ADAM10: variants seen among roughly 807,000 people sequenced by gnomAD.
ADAM10 encodes disintegrin and metalloproteinase domain-containing protein 10.
A neutral mutation model predicts 90.1 loss-of-function variants in ADAM10; 17 were observed. That is an observed-to-expected ratio of 0.19 (90% CI 0.13 to 0.28). The LOEUF is 0.28. Among genes scored for constraint, ADAM10 ranks in the 10% least tolerant of loss-of-function variants. The pLI, the probability that ADAM10 is intolerant of heterozygous loss-of-function variation, is 1.00. For missense variants in ADAM10, 610 were observed against 914.3 expected (o/e 0.67, Z 4.29); for synonymous variants, 310 against 298.6 (o/e 1.04, Z -0.40).
chr15:58,704,235 A>G (rs2140795146), intron 2 of ADAM10: 1 of 152,354 alleles, frequency 6.6e-6, no homozygotes, highest in African/African-American at 2.4e-5. Flanking sequence ...CCATGATTCC[A>G]CATATATGAG....
At chr15:58,639,223 T>C (rs998032810) in intron 8 of ADAM10, among the ~76,000 whole-genome samples, 3 of 152,206 alleles carry the variant, frequency 2.0e-5, no homozygotes, top group African/African-American at 4.8e-5. Flanking sequence ...ACTAAGACTG[T>C]TGGGCTCCAC....
chr15:58,648,222 G>C, intron 5 of ADAM10, among the ~76,000 whole-genome samples: 1 of 152,078 alleles, frequency 6.6e-6, no homozygotes, highest in East Asian at 1.9e-4. Flanking sequence ...TTGTATTATA[G>C]ATGGGTACCA....
At chr15:58,704,389 T>C (rs1898221594) in intron 2 of ADAM10, among the ~76,000 whole-genome samples, 1 of 152,080 alleles carries the variant, frequency 6.6e-6, no homozygotes, top group African/African-American at 2.4e-5. Flanking sequence ...TTGCACAACG[T>C]TGTGCATGTA....
At chr15:58,664,661 G>A (rs1201771765) in intron 5 of ADAM10, among the ~76,000 whole-genome samples, 3 of 151,844 alleles carry the variant, frequency 2.0e-5, no homozygotes, top group Non-Finnish European at 4.4e-5. Flanking sequence ...GAAAAAGGAA[G>A]GGAAAAAAAT....
At chr15:58,710,230 A>T (rs559814449) in intron 2 of ADAM10, among the ~76,000 whole-genome samples, 6 of 152,226 alleles carry the variant, frequency 3.9e-5, no homozygotes, top group Non-Finnish European at 7.3e-5. Flanking sequence ...GTGAGCCAAG[A>T]TCACACCACT....
At chr15:58,608,433 A>G (rs1895338985) in intron 14 of ADAM10, among the ~76,000 whole-genome samples, 1 of 152,236 alleles carries the variant, frequency 6.6e-6, no homozygotes, top group African/African-American at 2.4e-5. Context: ...GTAACTTGTA[A>G]AGACCAGATG....
intron 2 of ADAM10, among the ~76,000 whole-genome samples, chr15:58,695,418 C>G (rs553458120): frequency 1.3e-5 from 2 of 152,270 alleles, no homozygotes; most frequent in African/African-American, 4.8e-5. Flanking sequence ...ATATATGTGA[C>G]TGTAAATACA....
chr15:58,724,218 TACA>T (rs1398858634), intron 1 of ADAM10, among the ~76,000 whole-genome samples: 1 of 152,090 alleles, frequency 6.6e-6, no homozygotes, highest in East Asian at 1.9e-4. Context: ...TTTTCCTTAG[TACA>T]ACAACATTGT....
intron 1 of ADAM10, among the ~76,000 whole-genome samples, chr15:58,722,170 G>A (rs984299404): frequency 1.3e-4 from 19 of 151,624 alleles, no homozygotes; most frequent in East Asian, 1.9e-4. Flanking sequence ...TGAAACCCCC[G>A]TCTCCACTAA....
intron 6 of ADAM10, among the ~76,000 whole-genome samples, chr15:58,645,574 GTTCA>G (rs1452633486): frequency 1.3e-5 from 2 of 152,096 alleles, no homozygotes; most frequent in Non-Finnish European, 2.9e-5. Context: ...TGAGTCAAAA[GTTCA>G]TTCATCAAAT....
rs147207944 is a variant in ADAM10, at chr15:58,730,242, C to A, written c.56-12515G>T. On this transcript the variant is annotated intron_variant, in intron 1 of 15. Coordinates refer to ENST00000260408, the MANE Select transcript of ADAM10 (RefSeq NM_001110.4). The stretch of plus-strand genomic sequence containing the variant: ...GGTGCTACCATTTAAGCAAAAAATA[C>A]CTCAACTGATGTCTCAGGCAATATA... Among the ~76,000 whole-genome samples, 1,487 of 152,224 alleles carry A rather than the reference C, an allele frequency of 9.8e-3. 24 individuals carry two copies. Among genetic ancestry groups the A allele is most frequent in the African/African-American group, 0.034 (1,404 of 41,542 alleles).
chr15:58,701,967 G>A (rs1227350696), intron 2 of ADAM10, among the ~76,000 whole-genome samples: 7 of 151,990 alleles, frequency 4.6e-5, no homozygotes, highest in Admixed American at 3.3e-4. Context: ...TTAGCCAGGC[G>A]TGGCGGCGCA....
At chr15:58,656,672 C>G (rs749815865) in intron 5 of ADAM10, among the ~76,000 whole-genome samples, 6 of 151,816 alleles carry the variant, frequency 4.0e-5, no homozygotes, top group Non-Finnish European at 7.4e-5. Context: ...GTGTCTATAT[C>G]CTGAAGAGTT....
intron 1 of ADAM10, among the ~76,000 whole-genome samples, chr15:58,718,635 T>C (rs1249506131): frequency 1.3e-5 from 2 of 152,196 alleles, no homozygotes; most frequent in South Asian, 2.1e-4. Flanking sequence ...CCAGTCTACC[T>C]GGTAAGAAAA....
intron 11 of ADAM10, among the ~76,000 whole-genome samples, chr15:58,613,232 T>C (rs1040998354): frequency 2.6e-5 from 4 of 152,286 alleles, no homozygotes; most frequent in South Asian, 4.1e-4. Flanking sequence ...ACTATACCAC[T>C]GCACCTACCT....
intron 5 of ADAM10, among the ~76,000 whole-genome samples, chr15:58,655,742 CTTTTTTTTT>C (rs71116585): frequency 5.0e-5 from 2 of 39,662 alleles, no homozygotes; most frequent in Admixed American, 4.3e-4. Context: ...TATATATATT[CTTTTTTTTT>C]TTTTTTTTTT....
At chr15:58,648,198 AT>A (rs1896602402) in intron 5 of ADAM10, among the ~76,000 whole-genome samples, 1 of 152,210 alleles carries the variant, frequency 6.6e-6, no homozygotes, top group Non-Finnish European at 1.5e-5. Context: ...AATAAAACTT[AT>A]TTTTAAAACA....
intron 14 of ADAM10, among the ~76,000 whole-genome samples, chr15:58,604,613 A>G (rs1285996996): frequency 6.6e-6 from 1 of 152,256 alleles, no homozygotes; most frequent in Non-Finnish European, 1.5e-5. Flanking sequence ...ACCTTGAAAC[A>G]TAACTAACAG....
chr15:58,631,631 T>A (rs1393814890), intron 9 of ADAM10, among the ~76,000 whole-genome samples: 3 of 152,106 alleles, frequency 2.0e-5, no homozygotes, highest in African/African-American at 7.2e-5. Flanking sequence ...TATATGCACA[T>A]AAAAATGAGT....
Sources: allele counts gnomAD v4.1 joint callset (sites outside exome capture counted in the v4.1 genomes callset), GRCh38; gene constraint gnomAD v4.1.1; transcripts MANE v1.5; gene names NCBI Gene and HGNC (gene_info 2026-07-23, HGNC 2026-07-21).